SGPP2: variants seen among roughly 807,000 people sequenced by gnomAD.
SGPP2 encodes sphingosine 1-phosphate phosphohydrolase 2.
Under a neutral mutation model 33.9 loss-of-function variants are expected in SGPP2, and 30 were observed. That is an observed-to-expected ratio of 0.89 (90% CI 0.66 to 1.20). SGPP2 has a LOEUF of 1.20. Among genes scored for constraint, SGPP2 ranks in the 50% most tolerant of loss-of-function variants. SGPP2 has a pLI of 0.00. For missense variants in SGPP2, 458 were observed against 532.1 expected, an observed-to-expected ratio of 0.86 and a Z score of 1.37; for synonymous variants, 233 against 225.0, an observed-to-expected ratio of 1.04 and a Z score of -0.32.
At chr2:222,470,889 G>C (rs568550836) in intron 1 of SGPP2, among the ~76,000 whole-genome samples, 211 of 152,304 alleles carry the variant, frequency 1.4e-3, no homozygotes, top group African/African-American at 5.0e-3. Flanking sequence ...AACAGAACCT[G>C]CCGAGATTAG....
In SGPP2 at chr2:222,545,302, G is replaced by C. The variant is rs533338462; in HGVS notation, c.649-13045G>C. Among the ~76,000 whole-genome samples, 501 of 137,948 alleles carry C rather than the reference G, an allele frequency of 3.6e-3. 3 individuals carry two copies. Among genetic ancestry groups the C allele is most frequent in the Non-Finnish European group, 5.4e-3 (353 of 65,040 alleles). 90.5% of individuals were successfully genotyped at this position (137,948 alleles called of 152,430 possible). A position where few individuals can be genotyped will look rare whatever the true frequency, so the allele number is the denominator to read the frequency against. On this transcript the variant is annotated intron_variant, in intron 4 of 4. Transcript: ENST00000321276. Reference sequence around the variant, plus strand: ...TTATGGCTTTTTTTTTTTTTTTTGAGACAGGGTTTCACTCTGTTGCCCAGG... The same window carrying C: ...TTATGGCTTTTTTTTTTTTTTTTGACACAGGGTTTCACTCTGTTGCCCAGG...
chr2:222,440,668 T>C (rs920275637), intron 1 of SGPP2, among the ~76,000 whole-genome samples: 5 of 152,216 alleles, frequency 3.3e-5, no homozygotes, highest in Admixed American at 1.3e-4. Context: ...ATACTGTTTT[T>C]TTAACATTTT....
chr2:222,511,860 G>A (rs1472418605), intron 2 of SGPP2, among the ~76,000 whole-genome samples: 2 of 151,918 alleles, frequency 1.3e-5, no homozygotes, highest in African/African-American at 4.8e-5. Context: ...GTATTTTTTT[G>A]TAGAGACAGG....
chr2:222,425,660 G>C (rs563126012), intron 1 of SGPP2, among the ~76,000 whole-genome samples: 1 of 152,326 alleles, frequency 6.6e-6, no homozygotes, highest in South Asian at 2.1e-4. Flanking sequence ...GGCAGCACCT[G>C]CCTTTTCCCT....
At chr2:222,444,001 A>C (rs1424806492) in intron 1 of SGPP2, among the ~76,000 whole-genome samples, 1 of 152,230 alleles carries the variant, frequency 6.6e-6, no homozygotes, top group East Asian at 1.9e-4. Context: ...GTGTCAAGTC[A>C]GCCTTCAAAG....
intron 1 of SGPP2, among the ~76,000 whole-genome samples, chr2:222,472,904 C>T (rs560745084): frequency 1.2e-4 from 19 of 152,282 alleles, no homozygotes; most frequent in Non-Finnish European, 2.5e-4. Flanking sequence ...GTCTCAGTTA[C>T]TTGGGAGGCT....
chr2:222,520,625 G>C (rs1294082107), intron 2 of SGPP2, among the ~76,000 whole-genome samples: 1 of 151,502 alleles, frequency 6.6e-6, no homozygotes, highest in African/African-American at 2.4e-5. Context: ...AGCTAGTCAG[G>C]AGTCTGACGC....
At chr2:222,470,330 C>A (rs968246804) in intron 1 of SGPP2, among the ~76,000 whole-genome samples, 2 of 152,158 alleles carry the variant, frequency 1.3e-5, no homozygotes, top group African/African-American at 4.8e-5. Flanking sequence ...TATTTAGGTA[C>A]ATCTAAGCCC....
intron 1 of SGPP2, among the ~76,000 whole-genome samples, chr2:222,432,961 C>T (rs934588021): frequency 2.6e-5 from 4 of 151,606 alleles, no homozygotes; most frequent in African/African-American, 7.3e-5. Flanking sequence ...GCAGAGGTTG[C>T]GGTAAGCCAA....
intron 1 of SGPP2, among the ~76,000 whole-genome samples, chr2:222,427,286 G>A (rs2106052672): frequency 6.6e-6 from 1 of 152,196 alleles, no homozygotes; most frequent in African/African-American, 2.4e-5. Context: ...TAAGAGACAG[G>A]GTCTTGCTGT....
At chr2:222,499,470 C>CA (rs1392334212) in intron 2 of SGPP2, among the ~76,000 whole-genome samples, 1 of 152,216 alleles carries the variant, frequency 6.6e-6, no homozygotes. Context: ...CCCTCCTACT[C>CA]AAAGACTGGC....
intron 1 of SGPP2, among the ~76,000 whole-genome samples, chr2:222,436,395 A>G (rs571106131): frequency 1.6e-3 from 242 of 152,302 alleles, no homozygotes; most frequent in Middle Eastern, 0.01. Context: ...TATGAGAGAA[A>G]TAGTACCATA....
intron 2 of SGPP2, among the ~76,000 whole-genome samples, chr2:222,505,348 T>G (rs938903278): frequency 6.6e-5 from 10 of 152,204 alleles, no homozygotes; most frequent in African/African-American, 1.9e-4. Context: ...GATGAGCTTG[T>G]TTTGGTTTAG....
At chr2:222,526,190 A>G (rs1237224580) in intron 4 of SGPP2, among the ~76,000 whole-genome samples, 2 of 148,990 alleles carry the variant, frequency 1.3e-5, no homozygotes, top group East Asian at 1.9e-4. Flanking sequence ...ATCAAAATTC[A>G]TGCTACAAAA....
At chr2:222,506,931 G>A (rs1698454134) in intron 2 of SGPP2, among the ~76,000 whole-genome samples, 1 of 152,030 alleles carries the variant, frequency 6.6e-6, no homozygotes. Flanking sequence ...CATGAGTGTG[G>A]CAGAATCTGG....
intron 1 of SGPP2, among the ~76,000 whole-genome samples, chr2:222,474,219 C>T (rs1697894790): frequency 2.0e-5 from 3 of 152,218 alleles, no homozygotes; most frequent in Non-Finnish European, 4.4e-5. Context: ...GGAAGCATTA[C>T]TCTGCCTATT....
intron 2 of SGPP2, among the ~76,000 whole-genome samples, chr2:222,492,769 C>T (rs758867332): frequency 1.8e-4 from 27 of 152,228 alleles, no homozygotes; most frequent in Non-Finnish European, 1.5e-4. Flanking sequence ...CTTTTATGCT[C>T]TGCTTCCCTT....
At chr2:222,442,498 T>C (rs1697340881) in intron 1 of SGPP2, among the ~76,000 whole-genome samples, 1 of 152,230 alleles carries the variant, frequency 6.6e-6, no homozygotes. Context: ...TTGATTTTGT[T>C]GGGTGATGTT....
At chr2:222,445,088 C>A (rs1474126113) in intron 1 of SGPP2, among the ~76,000 whole-genome samples, 1 of 152,178 alleles carries the variant, frequency 6.6e-6, no homozygotes, top group Non-Finnish European at 1.5e-5. Context: ...AATAAGGCCA[C>A]TTCTGTGGAG....
Sources: allele counts gnomAD v4.1 joint callset (sites outside exome capture counted in the v4.1 genomes callset), GRCh38; gene constraint gnomAD v4.1.1; transcripts MANE v1.5; gene names NCBI Gene and HGNC (gene_info 2026-07-23, HGNC 2026-07-21).